The following ATRNL1 variants were observed in gnomAD, a reference collection of about 807,000 sequenced individuals.
The protein encoded by ATRNL1 is attractin like 1.
ATRNL1 carries 95 observed loss-of-function variants against 182.7 expected under a neutral mutation model. That is an observed-to-expected ratio of 0.52 (90% CI 0.44 to 0.62). The LOEUF (loss-of-function observed/expected upper bound fraction) is 0.62. Among genes scored for constraint, ATRNL1 ranks in the 20% least tolerant of loss-of-function variants. The pLI, the probability that ATRNL1 is intolerant of heterozygous loss-of-function variation, is 0.00. For missense variants in ATRNL1, 1,471 were observed against 1,679.5 expected, an observed-to-expected ratio of 0.88 and a Z score of 2.17; for synonymous variants, 576 against 568.3, an observed-to-expected ratio of 1.01 and a Z score of -0.19.
At chr10:115,218,656 C>T (rs1191611976) in intron 9 of ATRNL1, among the ~76,000 whole-genome samples, 2 of 152,158 alleles carry the variant, frequency 1.3e-5, no homozygotes, top group Non-Finnish European at 2.9e-5. Flanking sequence ...GTCAGAAATT[C>T]GAGAGTTTAC....
intron 20 of ATRNL1, among the ~76,000 whole-genome samples, chr10:115,411,881 A>T (rs1381993538): frequency 1.3e-5 from 2 of 152,210 alleles, no homozygotes; most frequent in South Asian, 2.1e-4. Flanking sequence ...ATTTTATATT[A>T]TAAAATTCTA....
rs186530172 is a variant in ATRNL1 at position 115,485,995 on chromosome 10, G to A, written c.3654+16666G>A. ...CCACTTATGAGTGAGAACATGCGGT[G>A]CTTGGTTTTCTGTTCTTGTGTTGCT... is the stretch of plus-strand genomic sequence containing the variant. On this transcript the variant is annotated intron_variant, in intron 24 of 28. Transcript: ENST00000355044. Among the ~76,000 whole-genome samples, 13 of 151,030 alleles carry A rather than the reference G, an allele frequency of 8.6e-5. No individual in the cohort carries two copies. In the East Asian group the frequency reaches 2.6e-3, roughly 30 times the overall value.
intron 27 of ATRNL1, among the ~76,000 whole-genome samples, chr10:115,769,999 T>G (rs967598609): frequency 6.6e-6 from 1 of 152,128 alleles, no homozygotes; most frequent in Non-Finnish European, 1.5e-5. Flanking sequence ...GGGCCTCTCA[T>G]TTGCACAAGT....
chr10:115,676,532 G>C (rs527344476), intron 26 of ATRNL1, among the ~76,000 whole-genome samples: 2 of 151,694 alleles, frequency 1.3e-5, no homozygotes, highest in African/African-American at 4.9e-5. Flanking sequence ...GAGTGACTGA[G>C]ATCTCTGTCT....
intron 26 of ATRNL1, among the ~76,000 whole-genome samples, chr10:115,653,981 G>A (rs891292985): frequency 3.0e-4 from 45 of 152,036 alleles, no homozygotes; most frequent in African/African-American, 1.0e-3. Context: ...TATTAAATAT[G>A]ATTATCTCAG....
At chr10:115,336,667 C>T (rs533522516) in intron 19 of ATRNL1, among the ~76,000 whole-genome samples, 89 of 152,078 alleles carry the variant, frequency 5.9e-4, no homozygotes, top group Non-Finnish European at 1.0e-3. Flanking sequence ...GATATATTTT[C>T]CAACATATTT....
chr10:115,256,215 C>A (rs1157391490), intron 10 of ATRNL1, among the ~76,000 whole-genome samples: 2 of 152,138 alleles, frequency 1.3e-5, no homozygotes, highest in African/African-American at 2.4e-5. Context: ...AGGAATGGTA[C>A]CAGCTCCTCT....
At chr10:115,891,424 G>A (rs993857099) in intron 28 of ATRNL1, among the ~76,000 whole-genome samples, 56 of 152,070 alleles carry the variant, frequency 3.7e-4, no homozygotes, top group South Asian at 2.1e-4. Context: ...ACAGAGTTTC[G>A]CAAATAAATA....
At chr10:115,519,140 T>A (rs1225504072) in intron 24 of ATRNL1, 123 bp from the exon 25 acceptor site, 2 of 794,588 alleles carry the variant, frequency 2.5e-6, no homozygotes, top group Non-Finnish European at 4.0e-6. Flanking sequence ...CATATTTGAT[T>A]TATAATATCA....
chr10:115,321,207 G>A lies in ATRNL1; in HGVS notation c.3037+5471G>A, dbSNP rs1260393914. Among the ~76,000 whole-genome samples the A allele has an allele frequency of 5.3e-5, 8 of 152,080 alleles. No homozygotes were observed. In the South Asian group the frequency reaches 6.2e-4, roughly 12 times the overall value. On this transcript the variant is annotated intron_variant, in intron 18 of 28. Transcript: ENST00000355044. ...ACTTCAGCCCCTATTCATCTGCTTC[G>A]CTCCTGCCCCTGGAGATATCACTCA...
Position 115,729,036 on chromosome 10 carries a change from AT to A in ATRNL1, c.3903+1682del, listed in dbSNP as rs375631195. Reference sequence around the variant, plus strand: ...AAAATCGAGTAACAAGAGAAAAAAAATGTAAGTAATGCACACATAGACTAAA... The same window carrying A: ...AAAATCGAGTAACAAGAGAAAAAAAAGTAAGTAATGCACACATAGACTAAA... On this transcript the variant is annotated intron_variant, in intron 27 of 28. Transcript: ENST00000355044. Among the ~76,000 whole-genome samples, 7 of 152,258 alleles carry A rather than the reference AT, an allele frequency of 4.6e-5. No individual in the cohort carries two copies. In the East Asian group the frequency reaches 1.2e-3, roughly 25 times the overall value.
intron 9 of ATRNL1, among the ~76,000 whole-genome samples, chr10:115,229,943 A>C (rs17722621): frequency 0.015 from 2,345 of 152,316 alleles, 27 homozygotes; most frequent in Non-Finnish European, 0.022. Context: ...GAAAGAGGAC[A>C]TTACAATACC....
At chr10:115,099,506 G>C (rs908414428) in intron 1 of ATRNL1, among the ~76,000 whole-genome samples, 2 of 152,140 alleles carry the variant, frequency 1.3e-5, no homozygotes, top group African/African-American at 4.8e-5. Context: ...TAAAGAAACC[G>C]ACAAACTGTT....
intron 21 of ATRNL1, among the ~76,000 whole-genome samples, chr10:115,437,861 C>T (rs537112662): frequency 1.5e-4 from 23 of 152,090 alleles, no homozygotes; most frequent in African/African-American, 5.5e-4. Context: ...AATACATACT[C>T]ACACAATTAC....
chr10:115,353,914 CT>C (rs1284065395), intron 19 of ATRNL1, among the ~76,000 whole-genome samples: 1 of 152,096 alleles, frequency 6.6e-6, no homozygotes, highest in Non-Finnish European at 1.5e-5. Context: ...TTTTTGTTGT[CT>C]CTATATCTTT....
intron 8 of ATRNL1, among the ~76,000 whole-genome samples, chr10:115,200,456 C>G (rs1848524920): frequency 6.8e-6 from 1 of 147,090 alleles, no homozygotes; most frequent in Non-Finnish European, 1.5e-5. Context: ...CAATTCCCAT[C>G]TATGAGTGAG....
At chr10:115,776,023 C>T (rs1036657830) in intron 27 of ATRNL1, among the ~76,000 whole-genome samples, 1 of 150,854 alleles carries the variant, frequency 6.6e-6, no homozygotes, top group East Asian at 1.9e-4. Context: ...TTTATTAAAG[C>T]AGCTCTGTTA....
chr10:115,665,580 C>G (rs1174735518), intron 26 of ATRNL1, among the ~76,000 whole-genome samples: 1 of 152,114 alleles, frequency 6.6e-6, no homozygotes, highest in African/African-American at 2.4e-5. Flanking sequence ...GTGAATACTT[C>G]TAATAAAAAA....
chr10:115,352,344 A>C (rs2134127562), intron 19 of ATRNL1, among the ~76,000 whole-genome samples: 1 of 151,378 alleles, frequency 6.6e-6, no homozygotes, highest in South Asian at 2.1e-4. Flanking sequence ...TCTTCTCCTA[A>C]GTTTGGGTTT....
Sources: gnomAD v4.1 joint callset for allele counts (sites outside exome capture counted in the v4.1 genomes callset) on GRCh38, gnomAD v4.1.1 for gene constraint, MANE v1.5 for transcripts, NCBI Gene and HGNC (gene_info 2026-07-23, HGNC 2026-07-21) for gene names.